The following FCHO2 variants were observed in gnomAD, a reference collection of about 807,000 sequenced individuals.
FCHO2 encodes FCH and mu domain containing endocytic adaptor 2, also known as F-BAR domain only protein 2.
Under a neutral mutation model 114.1 loss-of-function variants are expected in FCHO2, and 43 were observed. The ratio of observed to expected loss-of-function variants is 0.38; its 90% CI spans 0.30 to 0.49. The LOEUF (loss-of-function observed/expected upper bound fraction) is 0.49, where lower values mean the gene tolerates loss of function less well. Ranked by LOEUF, FCHO2 falls within the 20% of genes least tolerant of loss-of-function variation. FCHO2 has a pLI of 0.97. For missense variants in FCHO2, 807 were observed against 950.4 expected (o/e 0.85, Z 1.98); for synonymous variants, 293 against 315.2 (o/e 0.93, Z 0.75).
chr5:72,978,048 C>T (rs1752984267), intron 2 of FCHO2, among the ~76,000 whole-genome samples: 1 of 151,782 alleles, frequency 6.6e-6, no homozygotes, highest in Non-Finnish European at 1.5e-5. Context: ...GAAGTGATGC[C>T]TCCAGCTTTG....
At chr5:73,032,991 A>T (rs1485626856) in intron 8 of FCHO2, among the ~76,000 whole-genome samples, 1 of 152,206 alleles carries the variant, frequency 6.6e-6, no homozygotes. Flanking sequence ...TAATTTGCAC[A>T]TCTCAATTTC....
At chr5:73,069,124 T>C (rs1163490255) in intron 19 of FCHO2, among the ~76,000 whole-genome samples, 1 of 152,140 alleles carries the variant, frequency 6.6e-6, no homozygotes, top group Non-Finnish European at 1.5e-5. Context: ...AAAACAATAG[T>C]GTTTTGAAAA....
chr5:73,004,558 A>G (rs1206958617), intron 5 of FCHO2, among the ~76,000 whole-genome samples: 3 of 152,140 alleles, frequency 2.0e-5, no homozygotes, highest in Non-Finnish European at 4.4e-5. Flanking sequence ...AGCAGGCACT[A>G]TTTATTTTTA....
At chr5:73,057,934 A>G (rs1418310960) in intron 16 of FCHO2, among the ~76,000 whole-genome samples, 5 of 152,206 alleles carry the variant, frequency 3.3e-5, no homozygotes, top group African/African-American at 9.6e-5. Flanking sequence ...TTACGCTTCT[A>G]ACAAATATTG....
rs1354655056 is a variant in FCHO2, at chr5:73,068,594, C to G, written c.1450-56C>G. The G allele has an allele frequency of 7.0e-6, 11 of 1,561,894 alleles. No homozygotes were observed. In the East Asian group the frequency reaches 2.1e-4, roughly 29 times the overall value. Reference sequence around the variant, plus strand: ...AATTTACCTCATACTTAAAAATCTTCTCTAACAAGAGAGGTATTGTTTTAG... The same window carrying G: ...AATTTACCTCATACTTAAAAATCTTGTCTAACAAGAGAGGTATTGTTTTAG... On this transcript the variant is annotated intron_variant, in intron 18 of 25. Coordinates refer to ENST00000430046, the MANE Select transcript of FCHO2 (RefSeq NM_138782.3).
chr5:73,014,548 A>G (rs1177126655), intron 6 of FCHO2, among the ~76,000 whole-genome samples: 1 of 152,014 alleles, frequency 6.6e-6, no homozygotes, highest in East Asian at 1.9e-4. Context: ...TCTGCCTCCC[A>G]TAGTGCTGGG....
Position 73,041,313 on chromosome 5 carries a change from T to C in FCHO2, c.937T>C (p.Leu313=), listed in dbSNP as rs750042207. The part of the protein sequence containing the change: ...ESVECPDADS[L]NIPDVDEEGY... ...TAGGGAATGTCCTGATGCAGATTCA[T>C]TGGTAAGTAGATTTAACTTTGATAT... The change falls in exon 11 of 26, where the codon TTG becomes CTG. Residue 313 remains leucine (L), a splice_region_variant and synonymous_variant. Coordinates refer to ENST00000430046, the MANE Select transcript of FCHO2 (RefSeq NM_138782.3). 6 of 1,476,418 alleles carry C rather than the reference T, an allele frequency of 4.1e-6. No individual in the cohort carries two copies. Among genetic ancestry groups the C allele is most frequent in the Non-Finnish European group, 5.7e-6 (6 of 1,061,812 alleles). 91.5% of individuals were successfully genotyped at this position (1,476,418 alleles called of 1,614,324 possible). A position where few individuals can be genotyped will look rare whatever the true frequency, so the allele number is the denominator to read the frequency against.
chr5:73,016,933 A>G (rs920809072), intron 7 of FCHO2, among the ~76,000 whole-genome samples: 1 of 152,070 alleles, frequency 6.6e-6, no homozygotes, highest in Non-Finnish European at 1.5e-5. Context: ...TATAAGTCTT[A>G]TCATAAGAAT....
At chr5:73,007,434 C>T (rs1442038563) in intron 6 of FCHO2, among the ~76,000 whole-genome samples, 1 of 152,132 alleles carries the variant, frequency 6.6e-6, no homozygotes, top group African/African-American at 2.4e-5. Flanking sequence ...TTTATGAGAG[C>T]AAGGATGGAT....
At chr5:72,961,269 C>T (rs1751845717) in intron 1 of FCHO2, among the ~76,000 whole-genome samples, 1 of 152,072 alleles carries the variant, frequency 6.6e-6, no homozygotes, top group Non-Finnish European at 1.5e-5. Flanking sequence ...GACTAACACA[C>T]ATTCTTTGGG....
chr5:73,080,633 T>G (rs1743063492), intron 22 of FCHO2, among the ~76,000 whole-genome samples: 1 of 151,892 alleles, frequency 6.6e-6, no homozygotes, highest in African/African-American at 2.4e-5. Context: ...TTCTCTATTT[T>G]TTTAGTTTTT....
At chr5:72,982,070 G>A (rs745642137) in intron 2 of FCHO2, among the ~76,000 whole-genome samples, 2 of 152,118 alleles carry the variant, frequency 1.3e-5, no homozygotes, top group Admixed American at 6.6e-5. Context: ...CCTGGTCTGC[G>A]GGTTGCAAAG....
At chr5:73,028,811 C>T (rs539995961) in intron 8 of FCHO2, among the ~76,000 whole-genome samples, 3 of 152,032 alleles carry the variant, frequency 2.0e-5, no homozygotes, top group African/African-American at 4.8e-5. Context: ...CCACTATGCC[C>T]AGTTAGTTTT....
At chr5:73,028,834 G>A (rs1013374700) in intron 8 of FCHO2, among the ~76,000 whole-genome samples, 3 of 151,710 alleles carry the variant, frequency 2.0e-5, no homozygotes, top group Non-Finnish European at 4.4e-5. Flanking sequence ...TATTTTTAGT[G>A]GAGACAGGGT....
rs558332410 is a variant in FCHO2, at chr5:73,055,996, T to G, written c.1211-69T>G. Reference sequence around the variant, plus strand: ...ATAGTGTTGAGATATGTGTATAGAGTTTCTGTTTTTCATTAAAATATTTTA... The same window carrying G: ...ATAGTGTTGAGATATGTGTATAGAGGTTCTGTTTTTCATTAAAATATTTTA... On this transcript the variant is annotated intron_variant, in intron 15 of 25. Coordinates refer to ENST00000430046, the MANE Select transcript of FCHO2 (RefSeq NM_138782.3). The G allele has an allele frequency of 1.7e-4, 186 of 1,092,712 alleles. No individual in the cohort carries two copies. The African/African-American group carries it at 2.5e-3, about 15-fold the overall frequency. 67.7% of individuals were successfully genotyped at this position (1,092,712 alleles called of 1,614,324 possible). A position where few individuals can be genotyped will look rare whatever the true frequency, so the allele number is the denominator to read the frequency against.
At chr5:73,068,852 T>C (rs886908882) in intron 19 of FCHO2, 73 bp downstream of exon 19, 2 of 1,438,690 alleles carry the variant, frequency 1.4e-6, no homozygotes, top group Admixed American at 2.4e-5. Flanking sequence ...GTATATATTT[T>C]TAAATGGGCT....
intron 6 of FCHO2, among the ~76,000 whole-genome samples, chr5:73,012,961 G>A (rs760800633): frequency 1.8e-4 from 28 of 152,178 alleles, no homozygotes; most frequent in Non-Finnish European, 3.5e-4. Context: ...AAAAGGGAAT[G>A]AAGACAGTTT....
chr5:72,966,501 T>C (rs1225762801), intron 1 of FCHO2, among the ~76,000 whole-genome samples: 1 of 152,236 alleles, frequency 6.6e-6, no homozygotes, highest in Non-Finnish European at 1.5e-5. Context: ...TGGAAATGTT[T>C]GGATTCACAA....
intron 24 of FCHO2, among the ~76,000 whole-genome samples, chr5:73,084,342 T>A (rs1743220802): frequency 6.6e-6 from 1 of 152,162 alleles, no homozygotes; most frequent in Admixed American, 6.5e-5. Context: ...CTTGGCTCAC[T>A]GCAACCTCTG....
Sources: allele counts gnomAD v4.1 joint callset (sites outside exome capture counted in the v4.1 genomes callset), GRCh38; gene constraint gnomAD v4.1.1; transcripts MANE v1.5; gene names NCBI Gene and HGNC (gene_info 2026-07-23, HGNC 2026-07-21).